SNX10: variants seen among roughly 807,000 people sequenced by gnomAD.
SNX10 encodes sorting nexin 10.
In SNX10, 25 loss-of-function variants were observed where a neutral mutation model predicts 28.5. That is an observed-to-expected ratio of 0.88 (90% CI 0.64 to 1.22). The LOEUF is 1.22. Ranked by LOEUF, SNX10 falls within the 50% of genes most tolerant of loss-of-function variation. The pLI, the probability that SNX10 is intolerant of heterozygous loss-of-function variation, is 0.00. For synonymous variants in SNX10, 62 were observed against 81.4 expected (o/e 0.76, Z 1.28); for missense variants, 223 against 242.6 (o/e 0.92, Z 0.54).
intron 1 of SNX10, among the ~76,000 whole-genome samples, chr7:26,323,000 C>T (rs755419989): frequency 4.6e-5 from 7 of 152,138 alleles, no homozygotes; most frequent in Non-Finnish European, 8.8e-5. Context: ...GTAATCTCAG[C>T]ACTTTGGGAG....
At chr7:26,351,145 T>C (rs887330609) in intron 2 of SNX10, among the ~76,000 whole-genome samples, 2 of 152,244 alleles carry the variant, frequency 1.3e-5, no homozygotes, top group African/African-American at 4.8e-5. Flanking sequence ...CTCAGTGTTC[T>C]AACACATTTC....
chr7:26,335,639 C>T (rs902839918), intron 1 of SNX10, among the ~76,000 whole-genome samples: 22 of 151,582 alleles, frequency 1.5e-4, no homozygotes, highest in African/African-American at 4.4e-4. Flanking sequence ...GTGTCCAGTG[C>T]AGAGCCAAGG....
chr7:26,346,493 A>T (rs1336557034), intron 2 of SNX10, 27 bp downstream of exon 2: 10 of 1,549,896 alleles, frequency 6.5e-6, no homozygotes, highest in East Asian at 4.5e-5. Flanking sequence ...CCAAAAATAA[A>T]TAACCCACTT....
chr7:26,346,463 A>G lies in SNX10; in HGVS notation c.21A>G (p.Lys7=), dbSNP rs766590834. The G allele has an allele frequency of 6.2e-7, 1 of 1,606,468 alleles. No individual in the cohort carries two copies. Among genetic ancestry groups the G allele is most frequent in the Admixed American group, 1.7e-5 (1 of 60,024 alleles). MFPEQQ[K]EEFVSVWVRD... Reference sequence around the variant, plus strand: ...TGAAGATGTTTCCGGAACAACAGAAAGAGGTATGTCATCACAAATCCAAAA... The same window carrying G: ...TGAAGATGTTTCCGGAACAACAGAAGGAGGTATGTCATCACAAATCCAAAA... The change falls in exon 2 of 7, where the codon AAA becomes AAG. Residue 7 remains lysine (K), a synonymous_variant. Transcript: ENST00000338523.
intron 1 of SNX10, among the ~76,000 whole-genome samples, chr7:26,297,378 G>A (rs1223727331): frequency 2.6e-5 from 4 of 152,320 alleles, no homozygotes; most frequent in Admixed American, 2.6e-4. Flanking sequence ...ACAGGAATAA[G>A]GCACCGCAGC....
intron 2 of SNX10, among the ~76,000 whole-genome samples, chr7:26,356,812 C>T (rs1356163758): frequency 6.6e-6 from 1 of 152,116 alleles, no homozygotes; most frequent in African/African-American, 2.4e-5. Context: ...AGATCTTAAA[C>T]ATTGCTCTTG....
Position 26,323,700 on chromosome 7 carries a change from C to T in SNX10, c.-23-22720C>T, listed in dbSNP as rs142202456. On this transcript the variant is annotated intron_variant, in intron 1 of 6. Coordinates refer to ENST00000338523, the MANE Select transcript of SNX10 (RefSeq NM_013322.3). ...TTTACCTTGAGAAGATCACTCTGAGCGCATGGAGAATGGATCGTGTGGGGC... is the reference window on the plus strand; with the variant it reads ...TTTACCTTGAGAAGATCACTCTGAGTGCATGGAGAATGGATCGTGTGGGGC... Among the ~76,000 whole-genome samples the T allele has an allele frequency of 5.6e-3, 857 of 152,202 alleles. 4 individuals carry two copies. The highest frequency in any genetic ancestry group is 8.7e-3 in the Non-Finnish European group (591 of 68,012).
chr7:26,318,622 A>G (rs1173920600), intron 1 of SNX10, among the ~76,000 whole-genome samples: 4 of 152,078 alleles, frequency 2.6e-5, no homozygotes, highest in Non-Finnish European at 4.4e-5. Flanking sequence ...TGCCTGCCGA[A>G]AAAAATGCTT....
At chr7:26,346,283 A>C (rs1443457892) in intron 1 of SNX10, 137 bp from the exon 2 acceptor site, 2 of 680,996 alleles carry the variant, frequency 2.9e-6, no homozygotes, top group African/African-American at 1.8e-5. Flanking sequence ...GCAGCGTGGG[A>C]GGAGCAGAGG....
intron 1 of SNX10, among the ~76,000 whole-genome samples, chr7:26,340,411 C>T (rs1005478536): frequency 3.9e-5 from 6 of 152,162 alleles, no homozygotes; most frequent in Admixed American, 3.3e-4. Flanking sequence ...GCCTACAAAA[C>T]CTCAAATATT....
At chr7:26,321,491 A>G (rs1407210483) in intron 1 of SNX10, among the ~76,000 whole-genome samples, 2 of 151,740 alleles carry the variant, frequency 1.3e-5, no homozygotes, top group Non-Finnish European at 2.9e-5. Flanking sequence ...TTTGAAGAAG[A>G]CTCCTGTTGG....
chr7:26,330,505 C>T (rs2128004370), intron 1 of SNX10, among the ~76,000 whole-genome samples: 2 of 152,132 alleles, frequency 1.3e-5, no homozygotes, highest in South Asian at 4.2e-4. Flanking sequence ...TAAGATGAAG[C>T]TGCTGAGATG....
At chr7:26,330,098 G>A (rs1042945833) in intron 1 of SNX10, among the ~76,000 whole-genome samples, 3 of 152,164 alleles carry the variant, frequency 2.0e-5, no homozygotes, top group African/African-American at 7.2e-5. Flanking sequence ...CCAGGGCTGT[G>A]GCCACATGGG....
At chr7:26,335,293 A>G (rs1363138234) in intron 1 of SNX10, among the ~76,000 whole-genome samples, 1 of 152,210 alleles carries the variant, frequency 6.6e-6, no homozygotes, top group Non-Finnish European at 1.5e-5. Context: ...CTGGTCCCTC[A>G]GAACCCCAGC....
intron 2 of SNX10, among the ~76,000 whole-genome samples, chr7:26,354,903 C>T (rs1788755568): frequency 6.6e-6 from 1 of 151,518 alleles, no homozygotes; most frequent in Non-Finnish European, 1.5e-5. Context: ...AGTCCTAGGC[C>T]GAAAGATTTT....
chr7:26,341,980 T>TTC (rs56027802), intron 1 of SNX10, among the ~76,000 whole-genome samples: 22,016 of 102,860 alleles, frequency 0.21, 2,098 homozygotes, highest in South Asian at 0.46. Flanking sequence ...TTTCTCTTCT[T>TTC]TCTCTCTCTC....
At chr7:26,321,360 C>T (rs1430447267) in intron 1 of SNX10, among the ~76,000 whole-genome samples, 1 of 152,200 alleles carries the variant, frequency 6.6e-6, no homozygotes, top group Non-Finnish European at 1.5e-5. Context: ...GTTAAGTCTG[C>T]TCCTGGAATA....
chr7:26,343,627 CAG>C (rs1788264246), intron 1 of SNX10, among the ~76,000 whole-genome samples: 1 of 152,136 alleles, frequency 6.6e-6, no homozygotes, highest in African/African-American at 2.4e-5. Context: ...AGAATCCTGG[CAG>C]AGTTTGCTGG....
At chr7:26,361,082 A>C in intron 3 of SNX10, 21 bp downstream of exon 3, 1 of 1,568,990 alleles carries the variant, frequency 6.4e-7, no homozygotes, top group East Asian at 2.3e-5. Context: ...AGTCAGTAGA[A>C]ATAGTAATTT....
Sources: gnomAD v4.1 joint callset for allele counts (sites outside exome capture counted in the v4.1 genomes callset) on GRCh38, gnomAD v4.1.1 for gene constraint, MANE v1.5 for transcripts, NCBI Gene and HGNC (gene_info 2026-07-23, HGNC 2026-07-21) for gene names.